The following FIG4 variants were observed in gnomAD, a reference collection of about 807,000 sequenced individuals.
FIG4 encodes the protein polyphosphoinositide phosphatase.
FIG4 carries 112 observed loss-of-function variants against 118.6 expected under a neutral mutation model. The observed-to-expected ratio is 0.94, with a 90% confidence interval of 0.81 to 1.11. FIG4 has a LOEUF of 1.11. FIG4 is among the 50% of genes least tolerant of loss of function. The pLI, the probability that FIG4 is intolerant of heterozygous loss-of-function variation, is 0.00. For missense variants in FIG4, 969 were observed against 1,111.7 expected, an observed-to-expected ratio of 0.87 and a Z score of 1.83; for synonymous variants, 369 against 381.2, an observed-to-expected ratio of 0.97 and a Z score of 0.37.
intron 22 of FIG4, 21 bp from the exon 23 acceptor site, chr6:109,825,067 C>G: frequency 1.2e-6 from 2 of 1,610,324 alleles, no homozygotes; most frequent in Non-Finnish European, 1.7e-6. Context: ...ATGCAGCCCT[C>G]TCTTTATTCA....
intron 16 of FIG4, among the ~76,000 whole-genome samples, chr6:109,781,655 C>T (rs1041577897): frequency 2.0e-5 from 3 of 151,166 alleles, no homozygotes; most frequent in Non-Finnish European, 3.0e-5. Context: ...TAACATGTGC[C>T]GCTGCCACTC....
chr6:109,767,363 A>G (rs921545114), intron 15 of FIG4, among the ~76,000 whole-genome samples: 1 of 152,236 alleles, frequency 6.6e-6, no homozygotes, highest in Admixed American at 6.5e-5. Flanking sequence ...ACTTGTGAAT[A>G]CTACATGTAA....
At chr6:109,722,939 A>G (rs1230877197) in intron 3 of FIG4, among the ~76,000 whole-genome samples, 1 of 152,120 alleles carries the variant, frequency 6.6e-6, no homozygotes, top group African/African-American at 2.4e-5. Flanking sequence ...TGGGAGCTGG[A>G]GAGAGAGGAA....
chr6:109,754,638 G>C (rs2128389607), intron 10 of FIG4, among the ~76,000 whole-genome samples: 1 of 152,244 alleles, frequency 6.6e-6, no homozygotes, highest in Non-Finnish European at 1.5e-5. Flanking sequence ...GGTCTATTCA[G>C]AGATTCAACT....
chr6:109,815,275 C>T (rs1034821481), intron 22 of FIG4, among the ~76,000 whole-genome samples: 2 of 152,062 alleles, frequency 1.3e-5, no homozygotes, highest in African/African-American at 4.8e-5. Flanking sequence ...TGGAGACACC[C>T]ACCCACAGGG....
chr6:109,708,429 A>G (rs1775156099), intron 1 of FIG4, among the ~76,000 whole-genome samples: 1 of 152,204 alleles, frequency 6.6e-6, no homozygotes, highest in African/African-American at 2.4e-5. Flanking sequence ...CAGTGAACAT[A>G]CACGTGCATG....
chr6:109,763,294 C>T (rs1777167593), intron 12 of FIG4, among the ~76,000 whole-genome samples: 2 of 152,228 alleles, frequency 1.3e-5, no homozygotes, highest in Admixed American at 1.3e-4. Context: ...GGCCAAGGGC[C>T]AACCTTATAA....
chr6:109,786,251 T>G, intron 17 of FIG4, 51 bp from the exon 18 acceptor site: 1 of 1,510,822 alleles, frequency 6.6e-7, no homozygotes. Context: ...ATGGAAATGT[T>G]TGCTTGCTAT....
At chr6:109,798,355 T>C (rs1778341934) in intron 22 of FIG4, among the ~76,000 whole-genome samples, 1 of 152,208 alleles carries the variant, frequency 6.6e-6, no homozygotes, top group South Asian at 2.1e-4. Flanking sequence ...GATTCATGCA[T>C]TCATTTGCCT....
intron 21 of FIG4, 56 bp downstream of exon 21, chr6:109,792,720 C>A (rs1778171561): frequency 8.8e-5 from 67 of 759,208 alleles, no homozygotes; most frequent in Non-Finnish European, 1.3e-4. Context: ...ATTACAGTAA[C>A]TTCTAACTAC....
intron 3 of FIG4, among the ~76,000 whole-genome samples, chr6:109,724,298 A>G (rs926063537): frequency 2.6e-5 from 4 of 152,176 alleles, no homozygotes; most frequent in Non-Finnish European, 5.9e-5. Context: ...ATTAACTAAT[A>G]TTTCATGGAG....
intron 10 of FIG4, among the ~76,000 whole-genome samples, chr6:109,746,268 A>G (rs1378516018): frequency 1.3e-5 from 2 of 152,138 alleles, no homozygotes; most frequent in African/African-American, 2.4e-5. Context: ...AGAGTTTCCT[A>G]TGTGCAAAGG....
intron 12 of FIG4, 68 bp downstream of exon 12, chr6:109,762,275 C>CA: frequency 1.1e-6 from 1 of 927,388 alleles, no homozygotes; most frequent in Non-Finnish European, 1.8e-6. Context: ...CTAAATACAG[C>CA]AGTTTGTACT....
At chr6:109,763,411 A>G (rs1371043339) in intron 12 of FIG4, among the ~76,000 whole-genome samples, 1 of 152,138 alleles carries the variant, frequency 6.6e-6, no homozygotes, top group Non-Finnish European at 1.5e-5. Context: ...GTATTTCATA[A>G]CAAAACATAT....
chr6:109,745,388 A>ACGG (rs1389246222), intron 10 of FIG4, among the ~76,000 whole-genome samples: 1 of 152,186 alleles, frequency 6.6e-6, no homozygotes, highest in African/African-American at 2.4e-5. Context: ...TTTTCTAATG[A>ACGG]CCAGTGATGA....
intron 22 of FIG4, among the ~76,000 whole-genome samples, chr6:109,802,388 C>T (rs1002792715): frequency 2.6e-5 from 4 of 152,236 alleles, no homozygotes; most frequent in Middle Eastern, 3.4e-3. Context: ...CAGTGTTTTT[C>T]GGACAATTCT....
intron 1 of FIG4, among the ~76,000 whole-genome samples, chr6:109,696,676 T>A (rs1021933012): frequency 2.0e-5 from 3 of 152,132 alleles, no homozygotes; most frequent in African/African-American, 7.2e-5. Context: ...ACGTGGGTGC[T>A]AAAAAACGAT....
chr6:109,719,779 C>T (rs1775551035), intron 3 of FIG4, among the ~76,000 whole-genome samples: 1 of 152,090 alleles, frequency 6.6e-6, no homozygotes, highest in Admixed American at 6.6e-5. Flanking sequence ...CTCTAGACTG[C>T]TGGACTCTTT....
intron 1 of FIG4, among the ~76,000 whole-genome samples, chr6:109,697,625 T>C (rs1391538386): frequency 2.0e-5 from 3 of 152,164 alleles, no homozygotes; most frequent in Non-Finnish European, 4.4e-5. Context: ...GAAGTCACAC[T>C]CTTATCATTT....
Sources: gnomAD v4.1 joint callset for allele counts (sites outside exome capture counted in the v4.1 genomes callset) on GRCh38, gnomAD v4.1.1 for gene constraint, MANE v1.5 for transcripts, NCBI Gene and HGNC (gene_info 2026-07-23, HGNC 2026-07-21) for gene names.